Variants in PTPRZ1 observed in about 807,000 individuals in gnomAD.
The protein encoded by PTPRZ1 is receptor-type tyrosine-protein phosphatase zeta.
A neutral mutation model predicts 214.1 loss-of-function variants in PTPRZ1; 82 were observed. The ratio of observed to expected loss-of-function variants is 0.38; its 90% CI spans 0.32 to 0.46. The LOEUF (loss-of-function observed/expected upper bound fraction) is 0.46, where lower values mean the gene tolerates loss of function less well. Ranked by LOEUF, PTPRZ1 falls within the 20% of genes least tolerant of loss-of-function variation. The pLI is 1.00. For synonymous variants in PTPRZ1, 945 were observed against 987.9 expected, an observed-to-expected ratio of 0.96 and a Z score of 0.81; for missense variants, 2,603 against 2,748.7, an observed-to-expected ratio of 0.95 and a Z score of 1.19.
chr7:121,991,077 A>T (rs1393134643), intron 8 of PTPRZ1, among the ~76,000 whole-genome samples: 1 of 152,204 alleles, frequency 6.6e-6, no homozygotes, highest in African/African-American at 2.4e-5. Context: ...AATACTTATT[A>T]GTCATATAAA....
intron 10 of PTPRZ1, among the ~76,000 whole-genome samples, chr7:121,999,471 C>G (rs1181009394): frequency 6.6e-6 from 1 of 152,086 alleles, no homozygotes; most frequent in Non-Finnish European, 1.5e-5. Context: ...TTGGCCAACA[C>G]CATATGTGAA....
intron 11 of PTPRZ1, among the ~76,000 whole-genome samples, chr7:122,007,053 G>A (rs1196473): frequency 0.82 from 123,926 of 151,916 alleles, 51,376 homozygotes; most frequent in South Asian, 0.92. Flanking sequence ...CTGGCCACCC[G>A]CCTAGAATGA....
At chr7:122,002,038 A>G (rs186699701) in intron 10 of PTPRZ1, among the ~76,000 whole-genome samples, 1 of 152,302 alleles carries the variant, frequency 6.6e-6, no homozygotes, top group East Asian at 1.9e-4. Context: ...GGGGTACCCA[A>G]TATGAGAGCT....
intron 27 of PTPRZ1, among the ~76,000 whole-genome samples, chr7:122,055,553 A>G (rs73224305): frequency 0.062 from 9,458 of 151,956 alleles, 367 homozygotes; most frequent in East Asian, 0.15. Flanking sequence ...GTGATGTAGT[A>G]AGTTGATAAA....
intron 11 of PTPRZ1, among the ~76,000 whole-genome samples, chr7:122,006,049 C>T (rs1798474939): frequency 6.6e-6 from 1 of 152,018 alleles, no homozygotes; most frequent in African/African-American, 2.4e-5. Flanking sequence ...TAAATTTCTA[C>T]ATAAAACTAT....
At chr7:121,947,223 C>T (rs1796408734) in intron 2 of PTPRZ1, among the ~76,000 whole-genome samples, 1 of 151,268 alleles carries the variant, frequency 6.6e-6, no homozygotes, top group African/African-American at 2.4e-5. Flanking sequence ...AAAGTCTGTT[C>T]TGTACTTGAA....
intron 2 of PTPRZ1, among the ~76,000 whole-genome samples, chr7:121,956,169 C>G (rs1349662825): frequency 6.6e-6 from 1 of 151,862 alleles, no homozygotes; most frequent in Non-Finnish European, 1.5e-5. Context: ...CTCTGCTTGT[C>G]CATCAGGAAT....
chr7:122,017,950 T>C (rs762342396), intron 12 of PTPRZ1, among the ~76,000 whole-genome samples: 1 of 152,124 alleles, frequency 6.6e-6, no homozygotes, highest in East Asian at 1.9e-4. Context: ...AAAGCTATTA[T>C]TTTAAATCTT....
Position 121,886,463 on chromosome 7 carries a change from AACACAC to A in PTPRZ1, c.58+12932_58+12937del, listed in dbSNP as rs148244179. On this transcript the variant is annotated intron_variant, in intron 1 of 29. Transcript: ENST00000393386. ...TGAAACATTCCACTCTATTAAATGT[AACACAC>A]ACACACACACACACACACACACACA... Among the ~76,000 whole-genome samples the A allele has an allele frequency of 2.0e-3, 290 of 148,030 alleles. 1 individual carries two copies. Among genetic ancestry groups the A allele is most frequent in the African/African-American group, 5.6e-3 (227 of 40,222 alleles).
Position 121,919,060 on chromosome 7 carries a change from A to G in PTPRZ1, c.59-9096A>G, listed in dbSNP as rs1475652113. Among the ~76,000 whole-genome samples the G allele has an allele frequency of 2.0e-5, 3 of 152,018 alleles. No homozygotes were observed. In the East Asian group the frequency reaches 5.8e-4, roughly 29 times the overall value. On this transcript the variant is annotated intron_variant, in intron 1 of 29. Coordinates refer to ENST00000393386, the MANE Select transcript of PTPRZ1 (RefSeq NM_002851.3). ...AAAATATGTTCTTTGGAATAGAATT[A>G]TTGTGTCCAAGATATGAAGAGTTTT...
At chr7:122,030,337 T>C (rs1162488760) in intron 14 of PTPRZ1, among the ~76,000 whole-genome samples, 1 of 152,074 alleles carries the variant, frequency 6.6e-6, no homozygotes, top group Non-Finnish European at 1.5e-5. Flanking sequence ...CAATAAAAGG[T>C]ACTAGTCTAC....
At chr7:121,975,351 G>C (rs1405001085) in intron 4 of PTPRZ1, among the ~76,000 whole-genome samples, 3 of 152,108 alleles carry the variant, frequency 2.0e-5, no homozygotes, top group Non-Finnish European at 4.4e-5. Flanking sequence ...ATAGGCCTTT[G>C]CCAGGTGGTA....
intron 1 of PTPRZ1, among the ~76,000 whole-genome samples, chr7:121,917,342 C>T (rs1383015878): frequency 6.6e-6 from 1 of 152,110 alleles, no homozygotes; most frequent in African/African-American, 2.4e-5. Flanking sequence ...GGAAATGGTT[C>T]ACCCTTGAAT....
intron 13 of PTPRZ1, among the ~76,000 whole-genome samples, chr7:122,025,334 T>C (rs1009490360): frequency 2.2e-4 from 33 of 149,654 alleles, no homozygotes; most frequent in African/African-American, 7.6e-4. Context: ...TTTTTTCTTT[T>C]TTTTTTTTTT....
At chr7:121,907,653 G>T (rs1186950545) in intron 1 of PTPRZ1, among the ~76,000 whole-genome samples, 4 of 151,758 alleles carry the variant, frequency 2.6e-5, no homozygotes, top group African/African-American at 9.7e-5. Context: ...CTTTGGAAAG[G>T]CCTAAACTCA....
chr7:121,952,701 C>T (rs1796594100), intron 2 of PTPRZ1, among the ~76,000 whole-genome samples: 1 of 152,182 alleles, frequency 6.6e-6, no homozygotes, highest in South Asian at 2.1e-4. Flanking sequence ...AATCCCTTGG[C>T]AATGACTCCT....
chr7:121,977,812 AT>A (rs1458929142), intron 6 of PTPRZ1, among the ~76,000 whole-genome samples: 1 of 151,978 alleles, frequency 6.6e-6, no homozygotes, highest in East Asian at 1.9e-4. Flanking sequence ...GTCACATTTA[AT>A]TTTCCCCACT....
chr7:121,932,430 A>G (rs1163652768), intron 2 of PTPRZ1, among the ~76,000 whole-genome samples: 1 of 152,208 alleles, frequency 6.6e-6, no homozygotes, highest in Non-Finnish European at 1.5e-5. Context: ...TCATTCTTAA[A>G]TGTAACTAAT....
At chr7:122,057,979 C>CATATATATATATAT (rs889083888) in intron 27 of PTPRZ1, among the ~76,000 whole-genome samples, 9 of 147,010 alleles carry the variant, frequency 6.1e-5, no homozygotes, top group African/African-American at 1.8e-4. Context: ...TATATATATA[C>CATATATATATATAT]ATATATATAT....
Sources: gnomAD v4.1 joint callset for allele counts (sites outside exome capture counted in the v4.1 genomes callset) on GRCh38, gnomAD v4.1.1 for gene constraint, MANE v1.5 for transcripts, NCBI Gene and HGNC (gene_info 2026-07-23, HGNC 2026-07-21) for gene names.